Variants in CHLSN observed in about 807,000 individuals in gnomAD.
CHLSN encodes cholesin.
chr7:1,019,596 G>C, the CHLSN span, among the ~76,000 whole-genome samples: 4 of 152,270 alleles, frequency 2.6e-5, no homozygotes, highest in Non-Finnish European at 5.9e-5. Context: ...GTGGCCGTGG[G>C]GCTGCCCTGT....
At chr7:1,082,455 C>T in the CHLSN span, among the ~76,000 whole-genome samples, 6 of 152,226 alleles carry the variant, frequency 3.9e-5, no homozygotes, top group Non-Finnish European at 8.8e-5. Flanking sequence ...TTACTCAGAG[C>T]AGGGGATGAT....
chr7:1,040,192 A>AAAAAAAATAAT, the CHLSN span, among the ~76,000 whole-genome samples: 2 of 120,730 alleles, frequency 1.7e-5, no homozygotes, highest in East Asian at 2.0e-4. Flanking sequence ...TTAAAAAAAA[A>AAAAAAAATAAT]AAAAAAAAAA....
At chr7:1,050,039 T>G in the CHLSN span, among the ~76,000 whole-genome samples, 1 of 152,186 alleles carries the variant, frequency 6.6e-6, no homozygotes, top group African/African-American at 2.4e-5. Context: ...TCTGGCGGGC[T>G]AGGCCTTGGC....
chr7:1,105,053 C>G, the CHLSN span, among the ~76,000 whole-genome samples: 1 of 152,176 alleles, frequency 6.6e-6, no homozygotes, highest in Non-Finnish European at 1.5e-5. Context: ...CTCTTCTGCA[C>G]TCTCTATTTT....
the CHLSN span, chr7:1,044,542 C>A: frequency 1.3e-5 from 2 of 151,304 alleles, no homozygotes; most frequent in Non-Finnish European, 3.0e-5. Context: ...GGGGCGGGGC[C>A]GACGGTCACG....
the CHLSN span, chr7:1,028,319 GTGCGCACCGCC>G: frequency 9.6e-7 from 1 of 1,037,138 alleles, no homozygotes; most frequent in Non-Finnish European, 1.2e-6. Flanking sequence ...TGCGCCCGCA[GTGCGCACCGCC>G]CGGCCCGCGC....
the CHLSN span, among the ~76,000 whole-genome samples, chr7:1,019,739 G>A: frequency 6.6e-6 from 1 of 152,232 alleles, no homozygotes; most frequent in African/African-American, 2.4e-5. Context: ...GCGGTGGGAA[G>A]CAAGCAGGAA....
the CHLSN span, among the ~76,000 whole-genome samples, chr7:1,129,507 A>G: frequency 2.9e-5 from 4 of 139,238 alleles, no homozygotes; most frequent in African/African-American, 1.3e-4. Flanking sequence ...GTGCAGTGGC[A>G]CAATCTCGGC....
the CHLSN span, among the ~76,000 whole-genome samples, chr7:1,118,016 G>C: frequency 6.6e-6 from 1 of 152,182 alleles, no homozygotes; most frequent in African/African-American, 2.4e-5. Flanking sequence ...AATGCTGCCA[G>C]TGTCACATGC....
At chr7:1,058,427 C>T in the CHLSN span, 1 of 780,744 alleles carries the variant, frequency 1.3e-6, no homozygotes, top group Non-Finnish European at 2.4e-6. Flanking sequence ...AGAGCTTCCC[C>T]AGCAAGCTCC....
At chr7:1,021,551 T>C in the CHLSN span, 1 of 985,024 alleles carries the variant, frequency 1.0e-6, no homozygotes, top group Non-Finnish European at 1.2e-6. Context: ...CGCACAGGAG[T>C]AGGGCTTCAG....
chr7:987,856 CCCTCTGTGTGTCCTGGGGAT>C, the CHLSN span, among the ~76,000 whole-genome samples: 1 of 151,572 alleles, frequency 6.6e-6, no homozygotes, highest in Non-Finnish European at 1.5e-5. Flanking sequence ...TGGGGGGGTC[CCCTCTGTGTGTCCTGGGGAT>C]CCCCTGTGTG....
At chr7:1,022,892 C>T in the CHLSN span, 26,953 of 404,114 alleles carry the variant, frequency 0.067, 1,101 homozygotes, top group Admixed American at 0.12. Flanking sequence ...CTACAAAGCG[C>T]GGCGACGTCT....
the CHLSN span, among the ~76,000 whole-genome samples, chr7:1,073,319 C>A: frequency 1.3e-5 from 2 of 152,156 alleles, no homozygotes; most frequent in African/African-American, 4.8e-5. Flanking sequence ...CCTCCCTCCT[C>A]ACCTCCTCAC....
chr7:1,104,495 C>T, the CHLSN span, among the ~76,000 whole-genome samples: 2 of 152,206 alleles, frequency 1.3e-5, no homozygotes, highest in East Asian at 3.8e-4. Flanking sequence ...CCCTGACGCC[C>T]GCATGTCAGT....
chr7:984,359 A>AT, the CHLSN span: 2 of 1,531,998 alleles, frequency 1.3e-6, no homozygotes, highest in Non-Finnish European at 1.7e-6. Context: ...AGGGGACCTA[A>AT]GGGGGGTCTT....
At chr7:1,007,155 T>A in the CHLSN span, among the ~76,000 whole-genome samples, 773 of 152,172 alleles carry the variant, frequency 5.1e-3, 11 homozygotes, top group African/African-American at 0.018. Context: ...GAGGAAACTC[T>A]CCACCATGAG....
chr7:1,120,721 C>A, the CHLSN span, among the ~76,000 whole-genome samples: 1 of 152,246 alleles, frequency 6.6e-6, no homozygotes, highest in Admixed American at 6.5e-5. Flanking sequence ...AAGCTGGAAA[C>A]AACTCAGTCT....
the CHLSN span, among the ~76,000 whole-genome samples, chr7:1,007,794 G>C: frequency 2.6e-5 from 4 of 152,298 alleles, no homozygotes; most frequent in South Asian, 2.1e-4. Context: ...GGTCCCAGAG[G>C]GGGAGAGGAG....
Sources: allele counts gnomAD v4.1 joint callset (sites outside exome capture counted in the v4.1 genomes callset), GRCh38; gene constraint gnomAD v4.1.1; transcripts MANE v1.5; gene names NCBI Gene and HGNC (gene_info 2026-07-23, HGNC 2026-07-21).